GPR158: variants seen among roughly 807,000 people sequenced by gnomAD.
The protein encoded by GPR158 is G protein-coupled receptor 158, also known as metabotropic glycine receptor.
Under a neutral mutation model 78.2 loss-of-function variants are expected in GPR158, and 30 were observed. The observed-to-expected ratio is 0.38, with a 90% confidence interval of 0.29 to 0.52. The LOEUF is 0.52. GPR158 is among the 20% of genes least tolerant of loss of function. The probability of loss-of-function intolerance (pLI) is 0.83; values close to 1 mark genes in which losing one functional copy is unlikely to be tolerated. For synonymous variants in GPR158, 581 were observed against 591.1 expected (o/e 0.98, Z 0.25); for missense variants, 1,463 against 1,523.5 (o/e 0.96, Z 0.66).
intron 2 of GPR158, among the ~76,000 whole-genome samples, chr10:25,324,479 A>G: frequency 6.6e-6 from 1 of 152,240 alleles, no homozygotes; most frequent in Non-Finnish European, 1.5e-5. Flanking sequence ...GCTGTATTAT[A>G]TGGGCATGGT....
At chr10:25,353,166 T>A (rs1855498459) in intron 2 of GPR158, among the ~76,000 whole-genome samples, 1 of 152,096 alleles carries the variant, frequency 6.6e-6, no homozygotes, top group Admixed American at 6.6e-5. Context: ...TTTCTGCTTT[T>A]GAGTACTTTG....
At chr10:25,309,227 G>GTGTC (rs1854727327) in intron 2 of GPR158, among the ~76,000 whole-genome samples, 1 of 152,040 alleles carries the variant, frequency 6.6e-6, no homozygotes, top group African/African-American at 2.4e-5. Flanking sequence ...GTGTGTGTGT[G>GTGTC]TGTGTGTTTT....
Position 25,598,624 on chromosome 10 carries a change from A to G in GPR158, c.2998A>G (p.Asn1000Asp). The G allele has an allele frequency of 6.2e-7, 1 of 1,614,038 alleles. No homozygotes were observed. The highest frequency in any genetic ancestry group is 8.5e-7 in the Non-Finnish European group (1 of 1,180,002). Residue 1000 changes from asparagine to aspartate, a missense_variant, in exon 11 of 11, where the codon AAC (asparagine) becomes GAC (aspartate). Physicochemically the swap from Asn to Asp is conservative, Grantham distance 23. Transcript: ENST00000376351. ...CCCAGGCACCACCCAGATGAAGGAC[A>G]ACTTTGACATTGGGGAGGTGTGTCC... ...LNPGTTQMKD[N>D]FDIGEVCPWE...
intron 5 of GPR158, among the ~76,000 whole-genome samples, chr10:25,496,092 G>A (rs955136491): frequency 1.3e-5 from 2 of 152,160 alleles, no homozygotes; most frequent in Non-Finnish European, 2.9e-5. Flanking sequence ...TGGTTAAGAA[G>A]CAAGGATTTA....
At chr10:25,533,859 CACTT>C (rs1217899828) in intron 5 of GPR158, among the ~76,000 whole-genome samples, 1 of 152,160 alleles carries the variant, frequency 6.6e-6, no homozygotes, top group African/African-American at 2.4e-5. Flanking sequence ...CCAGCTCTGC[CACTT>C]ACCAGCTATG....
At chr10:25,357,074 G>A (rs1855564717) in intron 2 of GPR158, among the ~76,000 whole-genome samples, 1 of 152,084 alleles carries the variant, frequency 6.6e-6, no homozygotes, top group South Asian at 2.1e-4. Flanking sequence ...TTATGTTTTA[G>A]CAAAGAGGCT....
At chr10:25,259,446 G>T (rs998947655) in intron 2 of GPR158, among the ~76,000 whole-genome samples, 5 of 152,012 alleles carry the variant, frequency 3.3e-5, no homozygotes, top group African/African-American at 1.2e-4. Context: ...TCAGTTCTTT[G>T]TGTGTGTGTT....
chr10:25,416,874 A>G (rs1015658136), intron 4 of GPR158, among the ~76,000 whole-genome samples: 3 of 152,152 alleles, frequency 2.0e-5, no homozygotes, highest in African/African-American at 7.2e-5. Context: ...AAGTTAATAA[A>G]TTAAGGCTAA....
chr10:25,446,009 G>A (rs1489621047), intron 4 of GPR158, among the ~76,000 whole-genome samples: 1 of 152,088 alleles, frequency 6.6e-6, no homozygotes, highest in Non-Finnish European at 1.5e-5. Flanking sequence ...CTATGAGGGA[G>A]TGGTAACTGA....
intron 2 of GPR158, among the ~76,000 whole-genome samples, chr10:25,369,156 T>C (rs1833952154): frequency 6.6e-6 from 1 of 151,608 alleles, no homozygotes; most frequent in Non-Finnish European, 1.5e-5. Flanking sequence ...GAATACCCTT[T>C]ATTTCCTTCT....
intron 2 of GPR158, among the ~76,000 whole-genome samples, chr10:25,263,479 T>A (rs1732329358): frequency 6.6e-6 from 1 of 152,176 alleles, no homozygotes; most frequent in Non-Finnish European, 1.5e-5. Context: ...CTCCTTCTGA[T>A]CTAATTTTTT....
rs1837373157 is a variant in GPR158 at position 25,594,166 on chromosome 10, G to GAAAT, written c.1893-124_1893-121dup. ...TTTTGAGATGAAAATATATGCCATA[G>GAAAT]AAATAGTAATACAATTTCCTTTTTC... On this transcript the variant is annotated intron_variant, in intron 8 of 10. Coordinates refer to ENST00000376351, the MANE Select transcript of GPR158 (RefSeq NM_020752.3). 4.9e-6 allele frequency: 3 copies of GAAAT among 617,240 alleles called. No individual in the cohort carries two copies. In the South Asian group the frequency reaches 5.6e-5, roughly 12 times the overall value. 38.2% of individuals were successfully genotyped at this position (617,240 alleles called of 1,614,324 possible).
intron 2 of GPR158, among the ~76,000 whole-genome samples, chr10:25,345,755 C>T (rs981920140): frequency 2.0e-5 from 3 of 151,828 alleles, no homozygotes; most frequent in African/African-American, 7.3e-5. Flanking sequence ...AAGGGCTTTC[C>T]TTATTTTATA....
chr10:25,259,465 G>T (rs1853939013), intron 2 of GPR158, among the ~76,000 whole-genome samples: 1 of 152,004 alleles, frequency 6.6e-6, no homozygotes, highest in African/African-American at 2.4e-5. Flanking sequence ...TTTTTAAATT[G>T]TTTCAGTTGT....
chr10:25,370,272 A>T (rs1363343967), intron 2 of GPR158, among the ~76,000 whole-genome samples: 497 of 146,412 alleles, frequency 3.4e-3, no homozygotes, highest in Middle Eastern at 0.011. Flanking sequence ...GGTGTCAATT[A>T]TGGATCTTTC....
chr10:25,477,726 A>C (rs758073943), intron 5 of GPR158, among the ~76,000 whole-genome samples: 20 of 152,306 alleles, frequency 1.3e-4, no homozygotes, highest in Non-Finnish European at 2.5e-4. Context: ...TAACATTACT[A>C]TTGGGAACAC....
chr10:25,351,486 G>A (rs1486524615), intron 2 of GPR158, among the ~76,000 whole-genome samples: 1 of 151,830 alleles, frequency 6.6e-6, no homozygotes, highest in Non-Finnish European at 1.5e-5. Context: ...TCAAAACCAG[G>A]CAACGTAGGA....
At chr10:25,532,127 A>G (rs1028498736) in intron 5 of GPR158, among the ~76,000 whole-genome samples, 1 of 152,204 alleles carries the variant, frequency 6.6e-6, no homozygotes, top group African/African-American at 2.4e-5. Context: ...AACCTGTTGT[A>G]CTATATGTTT....
At chr10:25,207,732 C>T (rs1853064194) in intron 1 of GPR158, among the ~76,000 whole-genome samples, 1 of 152,034 alleles carries the variant, frequency 6.6e-6, no homozygotes, top group Non-Finnish European at 1.5e-5. Context: ...TGGGATAGAG[C>T]ATAAAGTTAT....
Sources: gnomAD v4.1 joint callset for allele counts (sites outside exome capture counted in the v4.1 genomes callset) on GRCh38, gnomAD v4.1.1 for gene constraint, MANE v1.5 for transcripts, NCBI Gene and HGNC (gene_info 2026-07-23, HGNC 2026-07-21) for gene names.